Variants in PCYT1B observed in about 807,000 individuals in gnomAD.
PCYT1B encodes phosphate cytidylyltransferase 1B, choline, also known as choline-phosphate cytidylyltransferase B.
A neutral mutation model predicts 26.4 loss-of-function variants in PCYT1B; 10 were observed. The observed-to-expected ratio is 0.38, with a 90% confidence interval of 0.23 to 0.64. PCYT1B has a LOEUF of 0.64. PCYT1B is among the 30% of genes least tolerant of loss of function. PCYT1B has a pLI of 0.56. For synonymous variants in PCYT1B, 131 were observed against 108.4 expected, an observed-to-expected ratio of 1.21 and a Z score of -1.29; for missense variants, 161 against 292.7, an observed-to-expected ratio of 0.55 and a Z score of 3.28.
chrX:24,609,937 A>G (rs1487455711), intron 2 of PCYT1B, among the ~76,000 whole-genome samples: 2 of 110,518 alleles, frequency 1.8e-5, no homozygotes, highest in East Asian at 5.6e-4. Context: ...TACTAAAAAT[A>G]CAAAAATTAG....
intron 1 of PCYT1B, among the ~76,000 whole-genome samples, chrX:24,625,720 A>G (rs1925862749): frequency 9.9e-6 from 1 of 101,150 alleles, no homozygotes; most frequent in South Asian, 5.1e-4. Flanking sequence ...TATGTATAAT[A>G]TGTATGTATA....
chrX:24,653,308 A>T lies in PCYT1B; in HGVS notation c.63+19262T>A, dbSNP rs757551263. ...ATGACGTTACCATAGTCAACACCTG[A>T]CCCACTGTCAACTGCCAGCACCTGC... On this transcript the variant is annotated intron_variant, in intron 1 of 7. Transcript: ENST00000379145. Among the ~76,000 whole-genome samples the T allele has an allele frequency of 9.9e-5, 11 of 111,013 alleles. No homozygotes were observed. In the South Asian group the frequency reaches 4.3e-3, roughly 43 times the overall value.
intron 6 of PCYT1B, among the ~76,000 whole-genome samples, chrX:24,576,254 A>G (rs946273021): frequency 1.4e-4 from 16 of 112,198 alleles, no homozygotes; most frequent in African/African-American, 4.5e-4. Context: ...CTAAAGGGGT[A>G]AGGCTTATCA....
Position 24,613,489 on chromosome X carries a change from A to G in PCYT1B, c.217+5496T>C, listed in dbSNP as rs757951105. Among the ~76,000 whole-genome samples the G allele has an allele frequency of 8.9e-5, 10 of 112,287 alleles. No individual in the cohort carries two copies. The South Asian group carries it at 3.3e-3, about 37-fold the overall frequency. ...TTAGAACAGTGAGTATATGTAAAGA[A>G]AAATTATTAAGTAAATTACATCACA... On this transcript the variant is annotated intron_variant, in intron 2 of 7. Transcript: ENST00000379144.
intron 3 of PCYT1B, among the ~76,000 whole-genome samples, chrX:24,605,852 A>C (rs761554777): frequency 5.5e-5 from 6 of 109,472 alleles, no homozygotes; most frequent in Non-Finnish European, 1.1e-4. Context: ...TCAGGAGTTG[A>C]AGACCAGCCT....
chrX:24,616,100 T>C (rs1309941788), intron 2 of PCYT1B, among the ~76,000 whole-genome samples: 1 of 111,060 alleles, frequency 9.0e-6, no homozygotes, highest in Admixed American at 9.7e-5. Flanking sequence ...ATCGAGCAGA[T>C]ATATACAGAT....
chrX:24,610,842 A>G (rs1337778082), intron 2 of PCYT1B, among the ~76,000 whole-genome samples: 2 of 111,425 alleles, frequency 1.8e-5, no homozygotes, highest in Non-Finnish European at 3.8e-5. Flanking sequence ...CAAGGCAAAA[A>G]AGAGAGAGAG....
At chrX:24,564,228 C>T (rs1199300726) in intron 7 of PCYT1B, among the ~76,000 whole-genome samples, 3 of 110,351 alleles carry the variant, frequency 2.7e-5, no homozygotes, top group African/African-American at 9.9e-5. Flanking sequence ...CCTGGCCCGG[C>T]CCGGGATGAT....
chrX:24,579,202 A>AGG, intron 6 of PCYT1B, 114 bp downstream of exon 6: 2 of 564,191 alleles, frequency 3.5e-6, no homozygotes, highest in Non-Finnish European at 5.4e-6. Context: ...AAAAAAAAAG[A>AGG]GAGAGAGAGA....
chrX:24,647,017 A>G lies in PCYT1B; in HGVS notation c.89T>C (p.Ile30Thr), dbSNP rs768963636. Reference protein sequence around the residue: ...NEPPSETMEEIEHTCPQPRLT... With the variant: ...NEPPSETMEETEHTCPQPRLT... ...TCGAGGCTGTGGGCATGTGTGCTCT[A>G]TTTCCTCCATGGTTTCTGAGGGAGG... Residue 30 changes from isoleucine (I) to threonine (T), a missense_variant, in exon 1 of 8, where the codon ATA becomes ACA. Physicochemically the swap from Ile to Thr is moderately conservative, Grantham distance 89. Around this residue, in one of 4 missense-constraint regions of PCYT1B, gnomAD observed 51 missense variants for 51.0 expected, o/e 1.00. Transcript: ENST00000379144. 8.3e-7 allele frequency: 1 copy of G among 1,209,906 alleles called. No homozygotes were observed. Among genetic ancestry groups the G allele is most frequent in the Admixed American group, 2.2e-5 (1 of 45,946 alleles).
chrX:24,647,271 GCC>G lies in PCYT1B; in HGVS notation c.-168_-167del. 2.4e-6 allele frequency: 2 copies of G among 845,747 alleles called. No homozygotes were observed. Among genetic ancestry groups the G allele is most frequent in the Non-Finnish European group, 3.0e-6 (2 of 669,966 alleles). 69.7% of individuals were successfully genotyped at this position (845,747 alleles called of 1,213,427 possible). On this transcript the variant is annotated 5_prime_UTR_variant, in exon 1 of 8. Transcript: ENST00000379144. ...AGGGGAAGTAAAGAGGTTACCCCCCGCCCCTCTCTCTCTCTCTCTCTCCCAGA... is the reference window on the plus strand; with the variant it reads ...AGGGGAAGTAAAGAGGTTACCCCCCGCCTCTCTCTCTCTCTCTCTCCCAGA...
chrX:24,644,728 G>A (rs1487733286), intron 1 of PCYT1B, among the ~76,000 whole-genome samples: 1 of 111,001 alleles, frequency 9.0e-6, no homozygotes, highest in Non-Finnish European at 1.9e-5. Flanking sequence ...CGTGGTTCTT[G>A]TGAGTTACCA....
intron 1 of PCYT1B, among the ~76,000 whole-genome samples, chrX:24,671,688 A>G (rs984775126): frequency 5.4e-5 from 6 of 111,254 alleles, no homozygotes; most frequent in African/African-American, 9.8e-5. Flanking sequence ...TTCACCGTTA[A>G]GCAGAGAAAT....
chrX:24,630,867 T>C (rs1602194526), intron 1 of PCYT1B, among the ~76,000 whole-genome samples: 1 of 112,000 alleles, frequency 8.9e-6, no homozygotes, highest in African/African-American at 3.2e-5. Flanking sequence ...TGTAGTAACA[T>C]CGGTACTGAT....
intron 1 of PCYT1B, among the ~76,000 whole-genome samples, chrX:24,642,465 T>G (rs976539785): frequency 3.6e-5 from 4 of 112,525 alleles, no homozygotes; most frequent in African/African-American, 1.3e-4. Context: ...AAGCTACCTA[T>G]TATATTTGAT....
At chrX:24,630,958 T>C (rs1373475862) in intron 1 of PCYT1B, among the ~76,000 whole-genome samples, 1 of 111,375 alleles carries the variant, frequency 9.0e-6, no homozygotes, top group African/African-American at 3.3e-5. Context: ...AGTCTTGCAT[T>C]GTTGCCCAGG....
At position 24,562,104 on chromosome X, in the gene PCYT1B, G is replaced by T; in HGVS notation, c.*189C>A. ...GTCCAGCTAGAAGTCTCTGCACCTC[G>T]CCCAACTCTTCAGCTGTACGGAGAG... On this transcript the variant is annotated 3_prime_UTR_variant, in exon 8 of 8. Coordinates refer to ENST00000379144, the MANE Select transcript of PCYT1B (RefSeq NM_004845.5). 1 of 1,210,368 alleles carries T rather than the reference G, an allele frequency of 8.3e-7. No individual in the cohort carries two copies. The highest frequency in any genetic ancestry group is 1.1e-6 in the Non-Finnish European group (1 of 894,526).
upstream of PCYT1B, among the ~76,000 whole-genome samples, chrX:24,650,421 G>A (rs758535107): frequency 1.0e-3 from 104 of 104,436 alleles, no homozygotes; most frequent in Non-Finnish European, 1.6e-3. Flanking sequence ...CCAGGCTCAA[G>A]CGATCCTCCC....
chrX:24,577,431 C>G (rs895660564), intron 6 of PCYT1B, among the ~76,000 whole-genome samples: 28 of 112,273 alleles, frequency 2.5e-4, no homozygotes, highest in African/African-American at 9.1e-4. Context: ...TTTGAAAGAA[C>G]AGACAGTTTA....
Sources: gnomAD v4.1 joint callset for allele counts (sites outside exome capture counted in the v4.1 genomes callset) on GRCh38, gnomAD v4.1.1 for gene constraint, gnomAD v4.1.1 regional missense constraint, MANE v1.5 for transcripts, NCBI Gene and HGNC (gene_info 2026-07-23, HGNC 2026-07-21) for gene names.